Variants in GALNS observed in about 807,000 individuals in gnomAD.
The protein encoded by GALNS is N-acetylgalactosamine-6-sulfatase.
A neutral mutation model predicts 65.9 loss-of-function variants in GALNS; 65 were observed. The observed-to-expected ratio is 0.99, with a 90% CI of 0.81 to 1.21. The LOEUF is 1.21. GALNS is among the 50% of genes most tolerant of loss of function. GALNS has a pLI of 0.00. For synonymous variants in GALNS, 346 were observed against 288.9 expected (o/e 1.20, Z -2.00); for missense variants, 776 against 700.7 (o/e 1.11, Z -1.21).
At chr16:88,843,355 T>C (rs943507472) in intron 1 of GALNS, 1 of 542,922 alleles carries the variant, frequency 1.8e-6, no homozygotes, top group Non-Finnish European at 2.9e-6. Context: ...AGACTGAAAC[T>C]TACGTCCACA....
intron 1 of GALNS, among the ~76,000 whole-genome samples, chr16:88,852,100 C>G (rs776135098): frequency 2.1e-4 from 32 of 152,228 alleles, no homozygotes; most frequent in Non-Finnish European, 4.3e-4. Flanking sequence ...GGAGATACTT[C>G]CCAGTAGGGG....
At chr16:88,836,656 GAA>G (rs915738585) in intron 5 of GALNS, among the ~76,000 whole-genome samples, 1 of 122,920 alleles carries the variant, frequency 8.1e-6, no homozygotes, top group African/African-American at 3.0e-5. Flanking sequence ...CCTGTCTCAA[GAA>G]AAAAAAAAAA....
In GALNS at chr16:88,837,734, G is replaced by C. The variant is rs1912289776; in HGVS notation, c.454C>G (p.Leu152Val). The C allele has an allele frequency of 6.2e-7, 1 of 1,614,018 alleles. No homozygotes were observed. Among genetic ancestry groups the C allele is most frequent in the Non-Finnish European group, 8.5e-7 (1 of 1,180,016 alleles). Reference sequence around the variant, plus strand: ...AACCACTCATCAAATCCGTGCTTCAGGGGGTGGAACTGGGGCCTGTGACCC... The same window carrying C: ...AACCACTCATCAAATCCGTGCTTCACGGGGTGGAACTGGGGCCTGTGACCC... ...HLGHRPQFHP[L>V]KHGFDEWFGS... Residue 152 changes from leucine (L) to valine (V), a missense_variant, in exon 5 of 14, where the codon CTG becomes GTG. Leu to Val is a conservative substitution (Grantham distance 32). Transcript: ENST00000268695.
At chr16:88,832,758 A>G (rs999264375) in intron 8 of GALNS, among the ~76,000 whole-genome samples, 5 of 152,288 alleles carry the variant, frequency 3.3e-5, no homozygotes, top group Admixed American at 6.5e-5. Context: ...CCCTGAATAA[A>G]AGGGAAAAAG....
At chr16:88,848,264 G>C (rs1194675847) in intron 1 of GALNS, among the ~76,000 whole-genome samples, 1 of 152,176 alleles carries the variant, frequency 6.6e-6, no homozygotes, top group Non-Finnish European at 1.5e-5. Context: ...GTGGTGGCAG[G>C]ACGACTCTGA....
chr16:88,849,849 AG>A (rs1967424728), intron 1 of GALNS, among the ~76,000 whole-genome samples: 1 of 152,254 alleles, frequency 6.6e-6, no homozygotes, highest in South Asian at 2.1e-4. Flanking sequence ...GTGGGAGGAC[AG>A]GGGGCAGGAC....
chr16:88,855,162 TAAC>T, intron 1 of GALNS: 2 of 641,948 alleles, frequency 3.1e-6, no homozygotes, highest in Admixed American at 2.1e-5. Context: ...TAACCCAACA[TAAC>T]CAAAATATTA....
intron 8 of GALNS, among the ~76,000 whole-genome samples, chr16:88,834,715 C>T (rs562918583): frequency 3.3e-5 from 5 of 151,756 alleles, no homozygotes; most frequent in East Asian, 3.9e-4. Flanking sequence ...CAGTGCCGAG[C>T]GGGGGAAAGG....
chr16:88,824,930 GGCTCTGGGCT>G (rs1432190368), intron 10 of GALNS, 61 bp from the exon 11 acceptor site: 5 of 1,369,000 alleles, frequency 3.7e-6, no homozygotes, highest in Non-Finnish European at 5.2e-6. Flanking sequence ...GCCACCTGGA[GGCTCTGGGCT>G]GCGTCTGTCA....
rs1910352262 is a variant in GALNS at position 88,822,608 on chromosome 16, C to T, written c.1345G>A (p.Gly449Arg). The T allele has an allele frequency of 6.2e-7, 1 of 1,612,768 alleles. No homozygotes were observed. The highest frequency in any genetic ancestry group is 1.6e-4 in the Middle Eastern group (1 of 6,062). ...ACTCACCTGAGGGGGAACCTCTCCC[C>T]TGGGTCCCGTCCCAGGTGGAAGATC... Reference protein sequence around the residue: ...PLIFHLGRDPGERFPLSFASA... With the variant: ...PLIFHLGRDPRERFPLSFASA... Residue 449 changes from glycine to arginine, a missense_variant, in exon 12 of 14, where the codon GGG (glycine) becomes AGG (arginine). Gly to Arg is a moderately radical substitution (Grantham distance 125). Transcript: ENST00000268695.
chr16:88,836,667 AAAAGG>A (rs1241470795), intron 5 of GALNS, among the ~76,000 whole-genome samples: 2 of 152,150 alleles, frequency 1.3e-5, no homozygotes, highest in Admixed American at 1.3e-4. Context: ...AAAAAAAAAA[AAAAGG>A]AAGCCTGGAA....
At chr16:88,842,293 C>T in intron 2 of GALNS, 1 of 529,570 alleles carries the variant, frequency 1.9e-6, no homozygotes. Context: ...CAGCCCCGTG[C>T]CCTGCCTTCT....
At chr16:88,835,545 A>G (rs1207959880) in intron 7 of GALNS, among the ~76,000 whole-genome samples, 180 bp downstream of exon 7, 2 of 152,166 alleles carry the variant, frequency 1.3e-5, no homozygotes, top group Admixed American at 1.3e-4. Flanking sequence ...GGACAGAGCC[A>G]GCACCCCCAC....
chr16:88,832,793 G>C (rs939835757), intron 8 of GALNS, among the ~76,000 whole-genome samples: 1 of 152,186 alleles, frequency 6.6e-6, no homozygotes. Context: ...GGCTGCGGTG[G>C]CTCATACCTG....
chr16:88,855,487 C>T, intron 1 of GALNS: 2 of 702,790 alleles, frequency 2.8e-6, no homozygotes, highest in East Asian at 5.4e-5. Flanking sequence ...GACACGGACC[C>T]CTGGGCGCTG....
At position 88,831,229 on chromosome 16, in the gene GALNS, CGGGGTGCGT is replaced by C. The variant is rs1911472931; in HGVS notation, c.1002+760_1002+768del. On this transcript the variant is annotated intron_variant, in intron 9 of 13. Transcript: ENST00000268695. ...CCGAGGAGAGCGGTGAGGCCGAGCACGGGGTGCGTGGGGAGGAGAGCGGTGAGGCCGAGC... is the reference window on the plus strand; with the variant it reads ...CCGAGGAGAGCGGTGAGGCCGAGCACGGGGAGGAGAGCGGTGAGGCCGAGC... 2.0e-5 allele frequency among the ~76,000 whole-genome samples: 3 copies of C among 150,900 alleles called. No homozygotes were observed. The East Asian group carries it at 5.9e-4, about 30-fold the overall frequency.
chr16:88,841,453 C>A (rs944343716), intron 3 of GALNS, among the ~76,000 whole-genome samples: 1 of 152,174 alleles, frequency 6.6e-6, no homozygotes, highest in African/African-American at 2.4e-5. Context: ...CTGCACTGCC[C>A]CACCCCTGCC....
intron 1 of GALNS, among the ~76,000 whole-genome samples, chr16:88,848,102 G>T (rs73252888): frequency 4.6e-5 from 7 of 152,214 alleles, no homozygotes; most frequent in East Asian, 1.9e-4. Flanking sequence ...CCCATGAGCC[G>T]TAAGATTCCA....
chr16:88,833,481 TCGC>T, intron 8 of GALNS, among the ~76,000 whole-genome samples: 1 of 148,408 alleles, frequency 6.7e-6, no homozygotes, highest in Non-Finnish European at 1.5e-5. Context: ...ACATGGAGTC[TCGC>T]TCTGTCGCCC....
Sources: gnomAD v4.1 joint callset for allele counts (sites outside exome capture counted in the v4.1 genomes callset) on GRCh38, gnomAD v4.1.1 for gene constraint, MANE v1.5 for transcripts, NCBI Gene and HGNC (gene_info 2026-07-23, HGNC 2026-07-21) for gene names.